The following SYT13 variants were observed in gnomAD, a reference collection of about 807,000 sequenced individuals.
SYT13 encodes the protein synaptotagmin-13.
SYT13 carries 21 observed loss-of-function variants against 38.6 expected under a neutral mutation model. The observed-to-expected ratio is 0.54, with a 90% CI of 0.39 to 0.78. The LOEUF (loss-of-function observed/expected upper bound fraction) is 0.78. SYT13 is among the 30% of genes least tolerant of loss of function. The probability of loss-of-function intolerance (pLI) is 0.00; values close to 1 mark genes in which losing one functional copy is unlikely to be tolerated. For missense variants in SYT13, 495 were observed against 548.7 expected, an observed-to-expected ratio of 0.90 and a Z score of 0.98; for synonymous variants, 241 against 237.6, an observed-to-expected ratio of 1.01 and a Z score of -0.13.
At position 45,246,403 on chromosome 11, in the gene SYT13, G is replaced by T. The variant is rs1854614253; in HGVS notation, c.956C>A (p.Ser319Tyr). The T allele has an allele frequency of 6.2e-7, 1 of 1,614,016 alleles. No individual in the cohort carries two copies. The highest frequency in any genetic ancestry group is 8.5e-7 in the Non-Finnish European group (1 of 1,179,964). The change falls in exon 5 of 6, where the codon TCC (serine) becomes TAC (tyrosine). Residue 319 changes from serine to tyrosine, a missense_variant. Transcript: ENST00000020926. ...CTCACCCTTCCCCAGGAGCTCCTTGGACTGGTTAGAGTGGAGGTTCTTGGC... is the reference window on the plus strand; with the variant it reads ...CTCACCCTTCCCCAGGAGCTCCTTGTACTGGTTAGAGTGGAGGTTCTTGGC... ...IKAKNLHSNQ[S>Y]KELLGKDVSV...
intron 1 of SYT13, among the ~76,000 whole-genome samples, chr11:45,257,692 C>T (rs1194780701): frequency 6.6e-6 from 1 of 152,226 alleles, no homozygotes; most frequent in Non-Finnish European, 1.5e-5. Flanking sequence ...CTGGTTGAGA[C>T]TCTGTCCCCA....
chr11:45,258,496 G>A (rs991527482), intron 1 of SYT13: 2 of 152,150 alleles, frequency 1.3e-5, no homozygotes, highest in African/African-American at 4.8e-5. Flanking sequence ...GCTTTTTTAG[G>A]CTGCAAAGAG....
intron 4 of SYT13, among the ~76,000 whole-genome samples, chr11:45,247,530 C>T (rs1854627589): frequency 6.6e-6 from 1 of 152,178 alleles, no homozygotes; most frequent in Admixed American, 6.5e-5. Flanking sequence ...GTCCCTCTTT[C>T]CCAGCTGTGC....
intron 1 of SYT13, among the ~76,000 whole-genome samples, chr11:45,282,167 A>C (rs1855082740): frequency 6.6e-6 from 1 of 152,176 alleles, no homozygotes; most frequent in Non-Finnish European, 1.5e-5. Context: ...CTCCTTGCTC[A>C]AGCTGCCAGG....
chr11:45,256,352 C>T (rs148421414), intron 1 of SYT13, among the ~76,000 whole-genome samples: 144 of 152,246 alleles, frequency 9.5e-4, no homozygotes, highest in African/African-American at 3.2e-3. Flanking sequence ...ATATCGCCCC[C>T]AATCCTTCCT....
chr11:45,279,147 C>T (rs1262711465), intron 1 of SYT13, among the ~76,000 whole-genome samples: 1 of 152,228 alleles, frequency 6.6e-6, no homozygotes, highest in Non-Finnish European at 1.5e-5. Flanking sequence ...AAAGTGTGGG[C>T]TCTGAAGCCA....
Position 45,286,127 on chromosome 11 carries a change from G to A in SYT13, c.81C>T (p.Thr27=). The change falls in exon 1 of 6, where the codon ACC becomes ACT. Residue 27 remains threonine (T), a synonymous_variant. Coordinates refer to ENST00000020926, the MANE Select transcript of SYT13 (RefSeq NM_020826.3). ...ATSILALCGV[T]CLCRHMHPKK... ...TGGGGTGCATGTGCCGACACAGGCA[G>A]GTGACCCCGCACAACGCGAGGATGC... is the stretch of plus-strand genomic sequence containing the variant. The A allele has an allele frequency of 1.3e-6, 2 of 1,599,744 alleles. No individual in the cohort carries two copies. Among genetic ancestry groups the A allele is most frequent in the East Asian group, 2.3e-5 (1 of 44,368 alleles).
At chr11:45,260,554 C>T (rs1854802604) in intron 1 of SYT13, among the ~76,000 whole-genome samples, 1 of 152,116 alleles carries the variant, frequency 6.6e-6, no homozygotes, top group Non-Finnish European at 1.5e-5. Context: ...ACCATGGGTG[C>T]AGGAGGGACA....
At position 45,256,956 on chromosome 11, in the gene SYT13, G is replaced by A. The variant is rs76153880; in HGVS notation, c.184-1065C>T. Reference sequence around the variant, plus strand: ...CAAGTTGCTGTGTCCCTTGTGCCTAGCATGGTGTCAGCTCACAGGGAGCAT... The same window carrying A: ...CAAGTTGCTGTGTCCCTTGTGCCTAACATGGTGTCAGCTCACAGGGAGCAT... On this transcript the variant is annotated intron_variant, in intron 1 of 5. Coordinates refer to ENST00000020926, the MANE Select transcript of SYT13 (RefSeq NM_020826.3). Among the ~76,000 whole-genome samples, 1,255 of 152,290 alleles carry A rather than the reference G, an allele frequency of 8.2e-3. 22 individuals carry two copies. Among genetic ancestry groups the A allele is most frequent in the African/African-American group, 0.029 (1,188 of 41,546 alleles).
intron 1 of SYT13, 54 bp from the exon 2 acceptor site, chr11:45,255,945 C>T (rs1035515243): frequency 1.1e-5 from 18 of 1,576,440 alleles, no homozygotes; most frequent in Non-Finnish European, 1.4e-5. Context: ...TTGTCTGTTT[C>T]CCCCCATGGA....
At chr11:45,246,023 C>T (rs1413261777) in intron 5 of SYT13, among the ~76,000 whole-genome samples, 5 of 152,200 alleles carry the variant, frequency 3.3e-5, no homozygotes, top group African/African-American at 9.6e-5. Flanking sequence ...GTTTTCCCGA[C>T]AGCCCAGGCC....
intron 2 of SYT13, among the ~76,000 whole-genome samples, chr11:45,255,162 C>G (rs1221300565): frequency 6.6e-6 from 1 of 151,930 alleles, no homozygotes; most frequent in Non-Finnish European, 1.5e-5. Context: ...AACAAAAAAC[C>G]CAATATGTTT....
At chr11:45,253,501 A>G (rs1284017339) in intron 3 of SYT13, among the ~76,000 whole-genome samples, 1 of 152,218 alleles carries the variant, frequency 6.6e-6, no homozygotes, top group East Asian at 1.9e-4. Context: ...AAAAGATAAT[A>G]CAAGGAAAAA....
intron 1 of SYT13, among the ~76,000 whole-genome samples, chr11:45,271,250 T>G (rs1262891007): frequency 6.6e-6 from 1 of 152,210 alleles, no homozygotes; most frequent in Non-Finnish European, 1.5e-5. Context: ...CTATTTCTGA[T>G]TCAAACTTAT....
At chr11:45,262,856 C>T (rs2135898883) in intron 1 of SYT13, among the ~76,000 whole-genome samples, 1 of 151,946 alleles carries the variant, frequency 6.6e-6, no homozygotes. Context: ...GAGAAAAAAC[C>T]CCAAACATCT....
intron 5 of SYT13, 34 bp from the exon 6 acceptor site, chr11:45,244,390 A>G: frequency 6.3e-7 from 1 of 1,589,766 alleles, no homozygotes; most frequent in Non-Finnish European, 8.6e-7. Context: ...AGAGACAGAG[A>G]GAAGGGACAA....
At chr11:45,275,163 A>G (rs570692383) in intron 1 of SYT13, among the ~76,000 whole-genome samples, 17 of 152,272 alleles carry the variant, frequency 1.1e-4, no homozygotes, top group Admixed American at 3.3e-4. Context: ...CCATCCATTC[A>G]TCAATGTATT....
intron 1 of SYT13, among the ~76,000 whole-genome samples, chr11:45,259,829 T>C (rs1854794380): frequency 6.6e-6 from 1 of 152,204 alleles, no homozygotes; most frequent in South Asian, 2.1e-4. Flanking sequence ...CCCTGCCTTG[T>C]GACTGCAAGG....
At chr11:45,253,500 T>C (rs1355185212) in intron 3 of SYT13, among the ~76,000 whole-genome samples, 2 of 152,078 alleles carry the variant, frequency 1.3e-5, no homozygotes, top group Admixed American at 6.5e-5. Flanking sequence ...TAAAAGATAA[T>C]ACAAGGAAAA....
Sources: gnomAD v4.1 joint callset for allele counts (sites outside exome capture counted in the v4.1 genomes callset) on GRCh38, gnomAD v4.1.1 for gene constraint, MANE v1.5 for transcripts, NCBI Gene and HGNC (gene_info 2026-07-23, HGNC 2026-07-21) for gene names.